The following SPAG16 variants were observed in gnomAD, a reference collection of about 807,000 sequenced individuals.
SPAG16 encodes the protein sperm associated antigen 16.
In SPAG16, 86 loss-of-function variants were observed where a neutral mutation model predicts 80.4. The ratio of observed to expected loss-of-function variants is 1.07; its 90% CI spans 0.90 to 1.28. The LOEUF (loss-of-function observed/expected upper bound fraction) is 1.28. Among genes scored for constraint, SPAG16 ranks in the 50% most tolerant of loss-of-function variants. The pLI is 0.00. For missense variants in SPAG16, 870 were observed against 765.3 expected, an observed-to-expected ratio of 1.14 and a Z score of -1.61; for synonymous variants, 294 against 265.9, an observed-to-expected ratio of 1.11 and a Z score of -1.03.
intron 10 of SPAG16, among the ~76,000 whole-genome samples, chr2:213,817,204 C>A (rs747122552): frequency 7.1e-6 from 1 of 141,420 alleles, no homozygotes; most frequent in Admixed American, 7.3e-5. Flanking sequence ...CTACTTTGTA[C>A]AAAGCATGCA....
chr2:214,082,753 C>A (rs1035591048), intron 13 of SPAG16, among the ~76,000 whole-genome samples: 1 of 152,182 alleles, frequency 6.6e-6, no homozygotes, highest in Non-Finnish European at 1.5e-5. Flanking sequence ...CATTTATTTG[C>A]CTGGTAATAA....
intron 13 of SPAG16, among the ~76,000 whole-genome samples, chr2:214,090,320 A>T (rs2052093283): frequency 6.6e-6 from 1 of 152,004 alleles, no homozygotes; most frequent in African/African-American, 2.4e-5. Context: ...ACTAAAAAAG[A>T]TGAAAGAACA....
intron 10 of SPAG16, among the ~76,000 whole-genome samples, chr2:213,672,438 C>T (rs1044375106): frequency 1.3e-5 from 2 of 151,892 alleles, no homozygotes; most frequent in African/African-American, 4.8e-5. Context: ...ACAAACAACC[C>T]TTCTCAGGTA....
chr2:214,257,878 G>T (rs1399641135), intron 15 of SPAG16, among the ~76,000 whole-genome samples: 2 of 152,158 alleles, frequency 1.3e-5, no homozygotes, highest in East Asian at 3.9e-4. Context: ...TGTTTGGATT[G>T]ATGCTATTTC....
At chr2:213,657,372 C>A (rs975806605) in intron 10 of SPAG16, among the ~76,000 whole-genome samples, 2 of 152,058 alleles carry the variant, frequency 1.3e-5, no homozygotes, top group African/African-American at 4.8e-5. Context: ...GAGTGCTTGA[C>A]ACATAAGAAG....
At chr2:214,073,250 T>C (rs564167452) in intron 13 of SPAG16, among the ~76,000 whole-genome samples, 1 of 151,660 alleles carries the variant, frequency 6.6e-6, no homozygotes, top group Non-Finnish European at 1.5e-5. Context: ...TTTTTTCTTT[T>C]TTTTTGAGAC....
At chr2:213,476,311 C>T (rs2073383382) in intron 9 of SPAG16, among the ~76,000 whole-genome samples, 1 of 152,224 alleles carries the variant, frequency 6.6e-6, no homozygotes. Context: ...AATGTCGAGG[C>T]ATGGCCTTGG....
At chr2:214,319,777 T>C (rs1216331261) in intron 15 of SPAG16, among the ~76,000 whole-genome samples, 1 of 152,198 alleles carries the variant, frequency 6.6e-6, no homozygotes, top group Non-Finnish European at 1.5e-5. Flanking sequence ...ATATGCTCAT[T>C]AATATTATTG....
At chr2:213,837,513 C>T (rs1024160594) in intron 10 of SPAG16, among the ~76,000 whole-genome samples, 1 of 152,206 alleles carries the variant, frequency 6.6e-6, no homozygotes, top group Non-Finnish European at 1.5e-5. Flanking sequence ...TGTATTCTTT[C>T]TTACAGCCCC....
chr2:213,476,426 A>G (rs1181610544), intron 9 of SPAG16, among the ~76,000 whole-genome samples: 2 of 152,174 alleles, frequency 1.3e-5, no homozygotes, highest in Non-Finnish European at 2.9e-5. Context: ...CCAACACCCG[A>G]GGGTGAAGGG....
intron 15 of SPAG16, among the ~76,000 whole-genome samples, chr2:214,194,228 G>T (rs376546548): frequency 6.6e-6 from 1 of 151,958 alleles, no homozygotes; most frequent in African/African-American, 2.4e-5. Context: ...CTTCAGTCTT[G>T]ATTAAAGACA....
intron 10 of SPAG16, among the ~76,000 whole-genome samples, chr2:213,578,603 A>G (rs942642920): frequency 6.6e-6 from 1 of 152,148 alleles, no homozygotes; most frequent in Non-Finnish European, 1.5e-5. Context: ...GTTTAAATTG[A>G]AAATGCTACT....
intron 10 of SPAG16, among the ~76,000 whole-genome samples, chr2:213,623,560 G>A (rs1368222970): frequency 6.6e-6 from 1 of 151,860 alleles, no homozygotes; most frequent in Non-Finnish European, 1.5e-5. Context: ...TTTCTACCTG[G>A]CATTTAAACT....
At chr2:213,701,384 C>T (rs976185618) in intron 10 of SPAG16, among the ~76,000 whole-genome samples, 1 of 152,044 alleles carries the variant, frequency 6.6e-6, no homozygotes, top group Admixed American at 6.6e-5. Context: ...ACAATGATAA[C>T]GAGAGGTGCC....
intron 10 of SPAG16, among the ~76,000 whole-genome samples, chr2:213,510,554 C>G (rs536296426): frequency 5.3e-5 from 8 of 152,042 alleles, no homozygotes; most frequent in African/African-American, 7.2e-5. Context: ...ATATTTGACT[C>G]GGATATATGT....
At chr2:213,636,321 A>T (rs2062359989) in intron 10 of SPAG16, among the ~76,000 whole-genome samples, 5 of 152,050 alleles carry the variant, frequency 3.3e-5, no homozygotes, top group Admixed American at 3.3e-4. Context: ...GCCTATTTTT[A>T]TGCCAGTACC....
intron 10 of SPAG16, among the ~76,000 whole-genome samples, chr2:213,530,205 G>A (rs2125881003): frequency 6.6e-6 from 1 of 152,234 alleles, no homozygotes; most frequent in Non-Finnish European, 1.5e-5. Context: ...ACCAGCAACA[G>A]CATTATCATT....
intron 10 of SPAG16, among the ~76,000 whole-genome samples, chr2:213,605,060 A>G (rs1574465898): frequency 6.6e-6 from 1 of 151,816 alleles, no homozygotes. Context: ...ATGTGTATAT[A>G]TAGTTTTTAT....
intron 10 of SPAG16, among the ~76,000 whole-genome samples, chr2:213,754,700 G>T (rs1172568913): frequency 9.4e-5 from 1 of 10,592 alleles, no homozygotes; most frequent in Non-Finnish European, 6.7e-4. Flanking sequence ...TAAAATTAAT[G>T]TATCACAGCC....
Sources: gnomAD v4.1 joint callset for allele counts (sites outside exome capture counted in the v4.1 genomes callset) on GRCh38, gnomAD v4.1.1 for gene constraint, MANE v1.5 for transcripts, NCBI Gene and HGNC (gene_info 2026-07-23, HGNC 2026-07-21) for gene names.